TMEM123: variants seen among roughly 807,000 people sequenced by gnomAD.
The protein encoded by TMEM123 is transmembrane protein 123, also known as porimin.
In TMEM123, 16 loss-of-function variants were observed where a neutral mutation model predicts 19.7. The observed-to-expected ratio is 0.81, with a 90% CI of 0.55 to 1.23. The LOEUF (loss-of-function observed/expected upper bound fraction) is 1.23. Among genes scored for constraint, TMEM123 ranks in the 50% most tolerant of loss-of-function variants. The pLI is 0.00. For missense variants in TMEM123, 313 were observed against 257.8 expected (o/e 1.21, Z -1.47); for synonymous variants, 118 against 99.4 (o/e 1.19, Z -1.12).
intron 2 of TMEM123, among the ~76,000 whole-genome samples, chr11:102,428,791 G>A (rs1278251777): frequency 6.6e-6 from 1 of 152,154 alleles, no homozygotes; most frequent in Non-Finnish European, 1.5e-5. Flanking sequence ...AGCTCATCAA[G>A]AATAGGCTAT....
chr11:102,404,739 ACAGGC>A (rs1268214870), intron 2 of TMEM123, among the ~76,000 whole-genome samples: 1 of 152,058 alleles, frequency 6.6e-6, no homozygotes, highest in Non-Finnish European at 1.5e-5. Context: ...AGCTGGGATT[ACAGGC>A]ATGCACCACC....
rs1251453974 is a variant in TMEM123 at position 102,396,419 on chromosome 11, A to G, written c.*2448T>C. On this transcript the variant is annotated 3_prime_UTR_variant, in exon 5 of 5. Coordinates refer to ENST00000398136, the MANE Select transcript of TMEM123 (RefSeq NM_052932.3). ...TGGTCATTATAATAAAAAGAAAAGAAGAGTTTAACTTTTTTTTTGTGAAAA... is the reference window on the plus strand; with the variant it reads ...TGGTCATTATAATAAAAAGAAAAGAGGAGTTTAACTTTTTTTTTGTGAAAA... The G allele has an allele frequency of 1.3e-5, 2 of 152,216 alleles. No individual in the cohort carries two copies. Among genetic ancestry groups the G allele is most frequent in the African/African-American group, 2.4e-5 (1 of 41,432 alleles). 9.4% of individuals were successfully genotyped at this position (152,216 alleles called of 1,614,324 possible). A position where few individuals can be genotyped will look rare whatever the true frequency, so the allele number is the denominator to read the frequency against.
intron 2 of TMEM123, among the ~76,000 whole-genome samples, chr11:102,440,900 T>C (rs191520755): frequency 1.1e-4 from 16 of 152,262 alleles, no homozygotes; most frequent in African/African-American, 3.9e-4. Flanking sequence ...AATCCTAGTC[T>C]CTGATAAAAC....
intron 1 of TMEM123, among the ~76,000 whole-genome samples, chr11:102,449,899 A>G (rs1789924615): frequency 6.6e-6 from 1 of 152,226 alleles, no homozygotes. Context: ...AGTGGCAGAG[A>G]CTGGAATTGG....
intron 2 of TMEM123, among the ~76,000 whole-genome samples, chr11:102,418,617 A>G (rs1952060103): frequency 1.3e-5 from 2 of 152,210 alleles, no homozygotes; most frequent in African/African-American, 4.8e-5. Flanking sequence ...TTCACAAAGA[A>G]CTTACAATAG....
intron 2 of TMEM123, among the ~76,000 whole-genome samples, chr11:102,412,905 C>A (rs1049363898): frequency 6.6e-6 from 1 of 152,058 alleles, no homozygotes; most frequent in Non-Finnish European, 1.5e-5. Flanking sequence ...CTTCAATGTA[C>A]CTAAAAACTA....
chr11:102,450,501 AT>A (rs1197262357), intron 1 of TMEM123, among the ~76,000 whole-genome samples: 1 of 152,256 alleles, frequency 6.6e-6, no homozygotes, highest in Non-Finnish European at 1.5e-5. Flanking sequence ...ACTGATATTT[AT>A]AAAGCTATGC....
At chr11:102,438,758 C>G (rs989758151) in intron 2 of TMEM123, among the ~76,000 whole-genome samples, 5 of 152,212 alleles carry the variant, frequency 3.3e-5, no homozygotes, top group Non-Finnish European at 7.3e-5. Context: ...GTGGCTGCAG[C>G]CCACAGAGCG....
In TMEM123 at chr11:102,401,669, C is replaced by T. The variant is rs12288849; in HGVS notation, c.472G>A (p.Ala158Thr). 7.1e-4 allele frequency: 1,136 copies of T among 1,602,742 alleles called. 8 individuals carry two copies. In the African/African-American group the frequency reaches 0.014, roughly 20 times the overall value. Residue 158 changes from alanine to threonine, a missense_variant, in exon 4 of 5, where the codon GCA becomes ACA. Physicochemically the swap from Ala to Thr is moderately conservative, Grantham distance 58. Transcript: ENST00000398136. ...VTITTTMHSEAKKGSKFDTGS... is the reference protein window; with the variant it reads ...VTITTTMHSETKKGSKFDTGS... ...GTATCAAATTTTGATCCTTTCTTTG[C>T]TTCAGAATGCATAGTTGTTGTGACT...
intron 2 of TMEM123, among the ~76,000 whole-genome samples, chr11:102,438,410 T>C (rs954729662): frequency 6.6e-6 from 1 of 152,240 alleles, no homozygotes; most frequent in Non-Finnish European, 1.5e-5. Context: ...CCTTATAGTC[T>C]ACGTCTCTCC....
chr11:102,437,964 T>G (rs767307703), intron 2 of TMEM123, among the ~76,000 whole-genome samples: 6 of 152,214 alleles, frequency 3.9e-5, no homozygotes, highest in Non-Finnish European at 8.8e-5. Context: ...AGGGCTTCCC[T>G]GACCAACCAA....
intron 2 of TMEM123, among the ~76,000 whole-genome samples, chr11:102,432,430 G>A (rs1038346422): frequency 6.6e-6 from 1 of 152,198 alleles, no homozygotes; most frequent in African/African-American, 2.4e-5. Flanking sequence ...GAGATTGGTG[G>A]CATTTTGCCC....
At chr11:102,404,341 T>A (rs1304188217) in intron 2 of TMEM123, among the ~76,000 whole-genome samples, 1 of 151,430 alleles carries the variant, frequency 6.6e-6, no homozygotes, top group Non-Finnish European at 1.5e-5. Flanking sequence ...TGGAGTGCAG[T>A]GGCATGATCT....
intron 2 of TMEM123, among the ~76,000 whole-genome samples, chr11:102,446,915 G>A (rs1457121918): frequency 1.3e-5 from 2 of 152,088 alleles, no homozygotes; most frequent in African/African-American, 2.4e-5. Context: ...TAAATAAATA[G>A]CACCAAATAA....
Position 102,401,708 on chromosome 11 carries a change from A to G in TMEM123, c.449-16T>C, listed in dbSNP as rs1263917442. On this transcript the variant is annotated splice_polypyrimidine_tract_variant and intron_variant, in intron 3 of 4. Transcript: ENST00000398136. ...GTTGTTGTGACTAGAACAAAAGAAA[A>G]CAAAAAAGGGCTTTAGCGTTATTTT... 3.8e-6 allele frequency: 6 copies of G among 1,568,756 alleles called. No individual in the cohort carries two copies. In the African/African-American group the frequency reaches 7.0e-5, roughly 18 times the overall value.
At chr11:102,436,672 A>C (rs1373291278) in intron 2 of TMEM123, among the ~76,000 whole-genome samples, 1 of 147,618 alleles carries the variant, frequency 6.8e-6, no homozygotes, top group Non-Finnish European at 1.5e-5. Context: ...AACTTCATAC[A>C]TCTGGGAAAA....
At chr11:102,428,612 A>C (rs7951999) in intron 2 of TMEM123, among the ~76,000 whole-genome samples, 2,684 of 144,648 alleles carry the variant, frequency 0.019, 38 homozygotes, top group Middle Eastern at 0.036. Flanking sequence ...CGGCCCCCCC[A>C]AAAAAAAAAA....
chr11:102,400,260 C>T (rs149729002), intron 4 of TMEM123, among the ~76,000 whole-genome samples: 2 of 152,288 alleles, frequency 1.3e-5, no homozygotes, highest in Non-Finnish European at 2.9e-5. Flanking sequence ...AGTGTTAGCT[C>T]CCATTGAAGA....
intron 2 of TMEM123, among the ~76,000 whole-genome samples, chr11:102,441,967 C>T (rs1857831214): frequency 6.6e-6 from 1 of 152,150 alleles, no homozygotes; most frequent in African/African-American, 2.4e-5. Context: ...TGGATAAATT[C>T]CTGGACACAT....
Sources: allele counts gnomAD v4.1 joint callset (sites outside exome capture counted in the v4.1 genomes callset), GRCh38; gene constraint gnomAD v4.1.1; transcripts MANE v1.5; gene names NCBI Gene and HGNC (gene_info 2026-07-23, HGNC 2026-07-21).